Variants in NAALADL2 observed in about 807,000 individuals in gnomAD.
NAALADL2 encodes the protein N-acetylated alpha-linked acidic dipeptidase like 2.
In NAALADL2, 76 loss-of-function variants were observed where a neutral mutation model predicts 87.2. The observed-to-expected ratio is 0.87, with a 90% CI of 0.72 to 1.05. NAALADL2 has a LOEUF of 1.05. NAALADL2 is among the 50% of genes least tolerant of loss of function. The pLI, the probability that NAALADL2 is intolerant of heterozygous loss-of-function variation, is 0.00. For missense variants in NAALADL2, 1,089 were observed against 945.8 expected, an observed-to-expected ratio of 1.15 and a Z score of -1.99; for synonymous variants, 354 against 331.0, an observed-to-expected ratio of 1.07 and a Z score of -0.75.
chr3:174,835,117 A>G (rs1281079757), intron 3 of NAALADL2, among the ~76,000 whole-genome samples: 1 of 152,064 alleles, frequency 6.6e-6, no homozygotes, highest in Non-Finnish European at 1.5e-5. Flanking sequence ...AACAAATTAG[A>G]AAGCGCAGAA....
chr3:175,560,658 T>G (rs1716122004), intron 9 of NAALADL2, among the ~76,000 whole-genome samples: 1 of 152,170 alleles, frequency 6.6e-6, no homozygotes, highest in Non-Finnish European at 1.5e-5. Context: ...CTGGTTTGTT[T>G]CAAGAAAGTT....
chr3:175,140,043 A>G (rs1436392239), intron 2 of NAALADL2, among the ~76,000 whole-genome samples: 2 of 152,154 alleles, frequency 1.3e-5, no homozygotes, highest in Non-Finnish European at 2.9e-5. Context: ...GATAATACGG[A>G]TAAACAAAGG....
chr3:175,604,222 T>C lies in NAALADL2; in HGVS notation c.1801-23069T>C, dbSNP rs139473944. 8.0e-4 allele frequency among the ~76,000 whole-genome samples: 121 copies of C among 152,196 alleles called. 1 individual carries two copies. Among genetic ancestry groups the C allele is most frequent in the African/African-American group, 2.7e-3 (114 of 41,538 alleles). On this transcript the variant is annotated intron_variant, in intron 10 of 13. Coordinates refer to ENST00000454872, the MANE Select transcript of NAALADL2 (RefSeq NM_207015.3). ...CCAAAACTTGATATTTTCATAGTTA[T>C]ATTTTTTCATAGTAGCATCGTAATA...
chr3:174,918,355 G>A (rs1030963976), intron 1 of NAALADL2, among the ~76,000 whole-genome samples: 9 of 152,060 alleles, frequency 5.9e-5, no homozygotes. Flanking sequence ...GTGCAAACTT[G>A]AAGACTCTAA....
intron 11 of NAALADL2, among the ~76,000 whole-genome samples, chr3:175,667,438 A>G (rs191869500): frequency 5.0e-4 from 76 of 152,118 alleles, no homozygotes; most frequent in African/African-American, 1.7e-3. Flanking sequence ...GAAAACTTTG[A>G]TTGTCTTTCT....
At chr3:175,761,301 T>C (rs564788962) in intron 13 of NAALADL2, among the ~76,000 whole-genome samples, 12 of 152,346 alleles carry the variant, frequency 7.9e-5, no homozygotes, top group South Asian at 4.1e-4. Context: ...CTATTTGGAA[T>C]AGTACAGTAT....
At chr3:175,514,453 C>T (rs1731577024) in intron 9 of NAALADL2, among the ~76,000 whole-genome samples, 2 of 152,106 alleles carry the variant, frequency 1.3e-5, no homozygotes, top group Admixed American at 1.3e-4. Context: ...GTACAAAAGA[C>T]ATTTTAGGGG....
At chr3:175,480,286 G>C (rs1051587337) in intron 9 of NAALADL2, among the ~76,000 whole-genome samples, 2 of 114,956 alleles carry the variant, frequency 1.7e-5, no homozygotes, top group African/African-American at 5.3e-5. Flanking sequence ...TTTAGGTCTA[G>C]TGTTAATGTT....
intron 2 of NAALADL2, among the ~76,000 whole-genome samples, chr3:175,140,183 G>C (rs1453646511): frequency 6.6e-6 from 1 of 152,118 alleles, no homozygotes; most frequent in African/African-American, 2.4e-5. Flanking sequence ...CATCTGGTAG[G>C]ATAGTTGTGA....
At chr3:175,213,832 G>T (rs1057297010) in intron 2 of NAALADL2, among the ~76,000 whole-genome samples, 1 of 152,020 alleles carries the variant, frequency 6.6e-6, no homozygotes, top group Non-Finnish European at 1.5e-5. Flanking sequence ...ATTTGAACAC[G>T]ATTTGTCTCC....
chr3:175,309,756 GA>G (rs1758142213), intron 4 of NAALADL2, among the ~76,000 whole-genome samples: 3 of 151,768 alleles, frequency 2.0e-5, no homozygotes, highest in African/African-American at 7.3e-5. Flanking sequence ...AAATAAGGAG[GA>G]AAAAATAATT....
intron 1 of NAALADL2, among the ~76,000 whole-genome samples, chr3:174,549,068 T>C (rs1578143567): frequency 1.3e-5 from 2 of 152,206 alleles, no homozygotes; most frequent in South Asian, 4.1e-4. Flanking sequence ...CTCCAATGCC[T>C]GGGCTCAAAT....
intron 2 of NAALADL2, among the ~76,000 whole-genome samples, chr3:175,217,188 A>T (rs73045208): frequency 6.6e-6 from 1 of 152,196 alleles, no homozygotes; most frequent in African/African-American, 2.4e-5. Flanking sequence ...GTATGCAATG[A>T]GTATACCCCA....
rs115765971 is a variant in NAALADL2, at chr3:175,126,660, A to G, written c.545+29369A>G. 1.4e-3 allele frequency among the ~76,000 whole-genome samples: 209 copies of G among 152,190 alleles called. 1 individual carries two copies. The highest frequency in any genetic ancestry group is 4.9e-3 in the African/African-American group (203 of 41,544). On this transcript the variant is annotated intron_variant, in intron 2 of 13. Transcript: ENST00000454872. ...ACAAAACGAAACAAAACTCAAAACT[A>G]TTTTTCCACTGTTATGCTGAGCAAT...
chr3:175,753,021 T>TA (rs765660931), intron 12 of NAALADL2, among the ~76,000 whole-genome samples: 34 of 152,166 alleles, frequency 2.2e-4, no homozygotes, highest in Non-Finnish European at 4.3e-4. Context: ...TGGCATTGAG[T>TA]AAATTATTCA....
intron 3 of NAALADL2, among the ~76,000 whole-genome samples, chr3:174,835,464 G>C (rs1051187056): frequency 6.6e-6 from 1 of 152,034 alleles, no homozygotes; most frequent in Admixed American, 6.5e-5. Context: ...TTTTGCATAT[G>C]ACACCAAGAA....
At chr3:174,775,902 G>A (rs536284228) in intron 3 of NAALADL2, among the ~76,000 whole-genome samples, 2 of 152,232 alleles carry the variant, frequency 1.3e-5, no homozygotes, top group South Asian at 2.1e-4. Flanking sequence ...AGTGTTATAC[G>A]TAACAAATAT....
intron 13 of NAALADL2, among the ~76,000 whole-genome samples, chr3:175,779,984 C>T (rs539230055): frequency 6.6e-6 from 1 of 151,084 alleles, no homozygotes; most frequent in Admixed American, 6.6e-5. Context: ...TCCAAATAGT[C>T]AGGGCCGGGC....
intron 1 of NAALADL2, among the ~76,000 whole-genome samples, chr3:175,022,213 C>T (rs938082872): frequency 6.6e-6 from 1 of 151,990 alleles, no homozygotes; most frequent in Non-Finnish European, 1.5e-5. Flanking sequence ...AACCTCTTTT[C>T]TTTATGAATT....
Sources: gnomAD v4.1 joint callset for allele counts (sites outside exome capture counted in the v4.1 genomes callset) on GRCh38, gnomAD v4.1.1 for gene constraint, MANE v1.5 for transcripts, NCBI Gene and HGNC (gene_info 2026-07-23, HGNC 2026-07-21) for gene names.